OCA2: variants seen among roughly 807,000 people sequenced by gnomAD.
OCA2 encodes P protein.
Under a neutral mutation model 100.2 loss-of-function variants are expected in OCA2, and 77 were observed. The observed-to-expected ratio is 0.77, with a 90% CI of 0.64 to 0.93. The LOEUF (loss-of-function observed/expected upper bound fraction) is 0.93, where lower values mean the gene tolerates loss of function less well. Among genes scored for constraint, OCA2 ranks in the 40% least tolerant of loss-of-function variants. The pLI is 0.00. For synonymous variants in OCA2, 432 were observed against 439.2 expected (o/e 0.98, Z 0.21); for missense variants, 1,062 against 1,089.1 (o/e 0.98, Z 0.35).
chr15:28,018,646 G>T, intron 6 of OCA2, 89 bp from the exon 7 acceptor site: 1 of 1,291,970 alleles, frequency 7.7e-7, no homozygotes, highest in Non-Finnish European at 1.1e-6. Context: ...CTCTGACAGT[G>T]TGTGAAGAAA....
At chr15:27,851,563 T>G (rs2035756125) in intron 21 of OCA2, 88 bp from the exon 22 acceptor site, 1 of 1,010,908 alleles carries the variant, frequency 9.9e-7, no homozygotes, top group Middle Eastern at 2.0e-4. Context: ...TCCAAATGCT[T>G]TCTCAGCATT....
At chr15:28,048,379 TAAACTC>T (rs2043405213) in intron 2 of OCA2, among the ~76,000 whole-genome samples, 1 of 152,098 alleles carries the variant, frequency 6.6e-6, no homozygotes, top group Non-Finnish European at 1.5e-5. Context: ...AGTCCAGAAA[TAAACTC>T]ATACATCTTA....
rs1423266020 is a variant in OCA2 at position 28,002,590 on chromosome 15, T to C, written c.1045-11943A>G. On this transcript the variant is annotated intron_variant, in intron 9 of 23. Transcript: ENST00000354638. ...GTACCTGGTTTGAGGAGTAAACCTG[T>C]GGCTGCCGATCGGTCCAGGAGAGCC... 8.5e-5 allele frequency among the ~76,000 whole-genome samples: 13 copies of C among 152,236 alleles called. No individual in the cohort carries two copies. The East Asian group carries it at 2.5e-3, about 30-fold the overall frequency.
chr15:27,798,239 C>T (rs1049799839), intron 23 of OCA2, among the ~76,000 whole-genome samples: 10 of 152,196 alleles, frequency 6.6e-5, no homozygotes, highest in African/African-American at 2.2e-4. Context: ...CTTGCTTCCT[C>T]TTCTTGGCTC....
At chr15:27,943,476 A>G (rs1025328725) in intron 18 of OCA2, among the ~76,000 whole-genome samples, 2 of 152,142 alleles carry the variant, frequency 1.3e-5, no homozygotes, top group African/African-American at 4.8e-5. Context: ...GAAAATCTAT[A>G]TTCTGTAGAG....
chr15:27,855,499 AGAG>A (rs1426634003), intron 21 of OCA2, among the ~76,000 whole-genome samples: 22 of 152,312 alleles, frequency 1.4e-4, no homozygotes, highest in African/African-American at 3.8e-4. Flanking sequence ...TCAGCCCATA[AGAG>A]GCTTGGGCAT....
At chr15:28,054,794 T>C (rs1050063567) in intron 2 of OCA2, among the ~76,000 whole-genome samples, 2 of 152,216 alleles carry the variant, frequency 1.3e-5, no homozygotes, top group Non-Finnish European at 2.9e-5. Context: ...AAAAGAGGTT[T>C]AATTGACTCA....
chr15:27,999,547 G>A lies in OCA2; in HGVS notation c.1045-8900C>T, dbSNP rs138497247. ...AAAAGCTGAAAGCTTTTCTTCCAAG[G>A]TCAGGAACAAGACAAGGATGCTCAC... On this transcript the variant is annotated intron_variant, in intron 9 of 23. Coordinates refer to ENST00000354638, the MANE Select transcript of OCA2 (RefSeq NM_000275.3). Among the ~76,000 whole-genome samples, 76 of 152,238 alleles carry A rather than the reference G, an allele frequency of 5.0e-4. 1 individual carries two copies. Among genetic ancestry groups the A allele is most frequent in the African/African-American group, 1.7e-3 (71 of 41,518 alleles).
chr15:27,972,850 TTTA>T (rs2040840218), intron 14 of OCA2, among the ~76,000 whole-genome samples: 3 of 135,552 alleles, frequency 2.2e-5, no homozygotes, highest in Non-Finnish European at 4.8e-5. Context: ...TTTATTTTAT[TTTA>T]TTTTATTTTA....
intron 23 of OCA2, among the ~76,000 whole-genome samples, chr15:27,789,032 T>TATA (rs1310604817): frequency 6.6e-6 from 1 of 152,116 alleles, no homozygotes; most frequent in African/African-American, 2.4e-5. Context: ...TATTTTAATA[T>TATA]ATATTACATC....
chr15:27,915,419 G>A (rs963723527), intron 19 of OCA2, among the ~76,000 whole-genome samples: 2 of 151,868 alleles, frequency 1.3e-5, no homozygotes, highest in Non-Finnish European at 2.9e-5. Flanking sequence ...CTCAGTAAAC[G>A]GACAACCAAT....
chr15:27,848,737 A>G (rs964593705), intron 22 of OCA2, among the ~76,000 whole-genome samples: 1 of 152,264 alleles, frequency 6.6e-6, no homozygotes, highest in Admixed American at 6.5e-5. Context: ...CTCTCAGAAC[A>G]GTGAGATTTT....
chr15:28,086,978 C>T (rs1284847680), intron 1 of OCA2, among the ~76,000 whole-genome samples: 2 of 152,070 alleles, frequency 1.3e-5, no homozygotes, highest in African/African-American at 4.8e-5. Context: ...ATCCAAATGC[C>T]AGAAGAAGAT....
the OCA2 span, among the ~76,000 whole-genome samples, chr15:27,729,390 A>G: frequency 6.6e-6 from 1 of 151,282 alleles, no homozygotes; most frequent in Admixed American, 6.6e-5. Flanking sequence ...TCCAATTTCA[A>G]AGCCACTTGC....
intron 2 of OCA2, among the ~76,000 whole-genome samples, chr15:28,044,864 T>C (rs1414647537): frequency 2.0e-5 from 3 of 152,234 alleles, no homozygotes; most frequent in Non-Finnish European, 2.9e-5. Flanking sequence ...TAGCACTGTA[T>C]GTCTTTTTTC....
chr15:27,919,298 C>T (rs1277979123), intron 19 of OCA2, among the ~76,000 whole-genome samples: 2 of 152,108 alleles, frequency 1.3e-5, no homozygotes, highest in Non-Finnish European at 2.9e-5. Flanking sequence ...AGACTTAGGT[C>T]CACACAAAAA....
chr15:27,792,667 C>A (rs185099617), intron 23 of OCA2, among the ~76,000 whole-genome samples: 3 of 152,174 alleles, frequency 2.0e-5, no homozygotes, highest in African/African-American at 7.2e-5. Flanking sequence ...CCAGCATTCC[C>A]GGGTGTACCT....
At chr15:27,855,242 C>G (rs906544329) in intron 21 of OCA2, among the ~76,000 whole-genome samples, 2 of 152,220 alleles carry the variant, frequency 1.3e-5, no homozygotes, top group Non-Finnish European at 2.9e-5. Context: ...CACCATTTGC[C>G]CCTTTAATTC....
chr15:27,845,146 T>G, intron 22 of OCA2, 94 bp from the exon 23 acceptor site: 1 of 931,138 alleles, frequency 1.1e-6, no homozygotes, highest in Non-Finnish European at 1.7e-6. Flanking sequence ...CTCACAGGCT[T>G]TGATTTGATT....
Sources: allele counts gnomAD v4.1 joint callset (sites outside exome capture counted in the v4.1 genomes callset), GRCh38; gene constraint gnomAD v4.1.1; transcripts MANE v1.5; gene names NCBI Gene and HGNC (gene_info 2026-07-23, HGNC 2026-07-21).